ANK3: variants seen among roughly 807,000 people sequenced by gnomAD.
ANK3 encodes the protein ankyrin 3.
ANK3 carries 57 observed loss-of-function variants against 370.9 expected under a neutral mutation model. The ratio of observed to expected loss-of-function variants is 0.15; its 90% CI spans 0.12 to 0.19. The LOEUF (loss-of-function observed/expected upper bound fraction) is 0.19, where lower values mean the gene tolerates loss of function less well. Ranked by LOEUF, ANK3 falls within the 10% of genes least tolerant of loss-of-function variation. The probability of loss-of-function intolerance (pLI) is 1.00; values close to 1 mark genes in which losing one functional copy is unlikely to be tolerated. For synonymous variants in ANK3, 1,929 were observed against 1,946.3 expected (o/e 0.99, Z 0.23); for missense variants, 4,439 against 5,302.1 (o/e 0.84, Z 5.06).
chr10:60,071,811 T>G lies in ANK3; in HGVS notation c.9070A>C (p.Lys3024Gln). The G allele has an allele frequency of 6.2e-7, 1 of 1,610,680 alleles. No homozygotes were observed. The highest frequency in any genetic ancestry group is 8.5e-7 in the Non-Finnish European group (1 of 1,178,198). ...ACATAACTCTGGTGTTTGGAAACTTTGCTGATTTCTGAATAGGTAACTTTT... is the reference window on the plus strand; with the variant it reads ...ACATAACTCTGGTGTTTGGAAACTTGGCTGATTTCTGAATAGGTAACTTTT... ...DEKVTYSEIS[K>Q]VSKHQSYVGL... The change falls in exon 37 of 44, where the codon AAA becomes CAA. Residue 3024 changes from lysine to glutamine, a missense_variant. Transcript: ENST00000280772.
rs368417830 is a variant in ANK3, at chr10:60,064,297, A to C, written c.12320-9T>G. 2.9e-5 allele frequency: 46 copies of C among 1,560,334 alleles called. No individual in the cohort carries two copies. Among genetic ancestry groups the C allele is most frequent in the Non-Finnish European group, 3.8e-5 (44 of 1,164,288 alleles). ...CAGTTCCCTTGCCAGTTCTGTAGAA[A>C]AGAAAGAGAGTTACTAAGATTGCAT... On this transcript the variant is annotated splice_polypyrimidine_tract_variant and intron_variant, in intron 38 of 43. Transcript: ENST00000280772.
intron 1 of ANK3, among the ~76,000 whole-genome samples, chr10:60,348,369 A>AAC (rs1555324742): frequency 3.7e-4 from 48 of 128,052 alleles, no homozygotes; most frequent in South Asian, 1.7e-3. Context: ...AAAAAAAAAA[A>AAC]ACACAAAAAA....
At chr10:60,226,567 AGTATATG>A (rs2097163315) in intron 8 of ANK3, among the ~76,000 whole-genome samples, 1 of 26,982 alleles carries the variant, frequency 3.7e-5, no homozygotes, top group African/African-American at 1.2e-4. Flanking sequence ...ATATATACAT[AGTATATG>A]TATATATACT....
At chr10:60,180,626 C>CAAAAAAAAAAAA (rs1565506436) in intron 18 of ANK3, among the ~76,000 whole-genome samples, 7 of 119,276 alleles carry the variant, frequency 5.9e-5, no homozygotes, top group African/African-American at 6.3e-5. Flanking sequence ...AAAAAAAAAA[C>CAAAAAAAAAAAA]ATGTTAGAGT....
chr10:60,694,568 C>T (rs1447336835), intron 1 of ANK3, among the ~76,000 whole-genome samples: 1 of 152,028 alleles, frequency 6.6e-6, no homozygotes, highest in Non-Finnish European at 1.5e-5. Context: ...ACTCTACAAG[C>T]CAGAAGAGAG....
intron 1 of ANK3, 119 bp downstream of exon 1, chr10:60,389,293 TCCCAATTTACACA>T (rs2062868241): frequency 1.2e-5 from 10 of 824,634 alleles, no homozygotes; most frequent in Admixed American, 2.7e-5. Flanking sequence ...TATCATCTGT[TCCCAATTTACACA>T]CCCAATTTAC....
rs577450059 is a variant in ANK3, at chr10:60,384,356, C to T, written c.114+5069G>A. Among the ~76,000 whole-genome samples, 35 of 152,260 alleles carry T rather than the reference C, an allele frequency of 2.3e-4. 1 individual carries two copies. Among genetic ancestry groups the T allele is most frequent in the Non-Finnish European group, 4.4e-4 (30 of 68,008 alleles). ...TACTGCAGAGGGTAAGAAAAACAGACACTACAATACTGAATTAGAGACATA... is the reference window on the plus strand; with the variant it reads ...TACTGCAGAGGGTAAGAAAAACAGATACTACAATACTGAATTAGAGACATA... On this transcript the variant is annotated intron_variant, in intron 1 of 43. Transcript: ENST00000280772.
chr10:60,189,291 G>A (rs773105961), intron 16 of ANK3, among the ~76,000 whole-genome samples: 6 of 152,044 alleles, frequency 3.9e-5, no homozygotes, highest in Admixed American at 6.5e-5. Flanking sequence ...TCAGGAGCTC[G>A]AGACCACCCT....
intron 1 of ANK3, among the ~76,000 whole-genome samples, chr10:60,667,745 C>A (rs1373249807): frequency 6.6e-6 from 1 of 151,310 alleles, no homozygotes; most frequent in Admixed American, 6.6e-5. Flanking sequence ...GGTTTGGAAC[C>A]TCTAGGTTTG....
chr10:60,072,339 C>A lies in ANK3; in HGVS notation c.8542G>T (p.Asp2848Tyr). The change falls in exon 37 of 44, where the codon GAC becomes TAC. Residue 2848 changes from aspartate (D) to tyrosine (Y), a missense_variant. Asp to Tyr is a radical substitution (Grantham distance 160). Transcript: ENST00000280772. ...TSDLATRGPW[D>Y]KKVFRTWESS... ...TCCCATGTTCTAAAGACCTTTTTGT[C>A]CCATGGTCCCCTAGTTGCTAAATCT... 1 of 1,613,702 alleles carries A rather than the reference C, an allele frequency of 6.2e-7. No individual in the cohort carries two copies. The highest frequency in any genetic ancestry group is 8.5e-7 in the Non-Finnish European group (1 of 1,179,920).
chr10:60,584,585 C>G (rs902274177), intron 2 of ANK3, among the ~76,000 whole-genome samples: 2 of 152,042 alleles, frequency 1.3e-5, no homozygotes, highest in South Asian at 2.1e-4. Context: ...CCACCATACT[C>G]CAACCTGGGC....
intron 37 of ANK3, 99 bp from the exon 38 acceptor site, chr10:60,068,108 C>T: frequency 9.8e-7 from 1 of 1,015,906 alleles, no homozygotes; most frequent in Non-Finnish European, 1.5e-6. Context: ...GAGACTAATG[C>T]TAACACTGTA....
intron 1 of ANK3, among the ~76,000 whole-genome samples, chr10:60,296,905 G>C (rs1180243665): frequency 6.6e-6 from 1 of 152,162 alleles, no homozygotes; most frequent in African/African-American, 2.4e-5. Context: ...GCTTGAACCT[G>C]GGAGTTCAAG....
chr10:60,140,357 G>C, intron 23 of ANK3: 1 of 1,613,780 alleles, frequency 6.2e-7, no homozygotes, highest in Non-Finnish European at 8.5e-7. Flanking sequence ...CTTACTCTGC[G>C]GTAAAGCCAT....
At chr10:60,417,751 C>G (rs940556452) in intron 2 of ANK3, among the ~76,000 whole-genome samples, 6 of 152,060 alleles carry the variant, frequency 3.9e-5, no homozygotes, top group Admixed American at 3.9e-4. Context: ...AGATCCTACT[C>G]CCTAAAGAGA....
intron 30 of ANK3, 106 bp downstream of exon 30, chr10:60,086,571 A>G (rs2086728171): frequency 3.2e-6 from 3 of 931,056 alleles, no homozygotes; most frequent in Non-Finnish European, 4.7e-6. Flanking sequence ...TTTCTCTTAT[A>G]ATGTTGGCAT....
chr10:60,251,097 C>T (rs1247682533), intron 7 of ANK3, among the ~76,000 whole-genome samples: 3 of 152,220 alleles, frequency 2.0e-5, no homozygotes, highest in East Asian at 1.9e-4. Flanking sequence ...CATATCCACA[C>T]CTCATGAAAT....
chr10:60,042,575 A>G (rs1358405571), intron 43 of ANK3, 97 bp downstream of exon 43: 10 of 1,214,428 alleles, frequency 8.2e-6, no homozygotes, highest in Non-Finnish European at 1.2e-5. Context: ...TTCAGTGAAA[A>G]GGAAAGGACG....
intron 1 of ANK3, among the ~76,000 whole-genome samples, chr10:60,327,291 G>C (rs1174535186): frequency 6.6e-6 from 1 of 152,194 alleles, no homozygotes; most frequent in African/African-American, 2.4e-5. Flanking sequence ...GAGATTGACT[G>C]TCCTCTCTCT....
Sources: gnomAD v4.1 joint callset for allele counts (sites outside exome capture counted in the v4.1 genomes callset) on GRCh38, gnomAD v4.1.1 for gene constraint, MANE v1.5 for transcripts, NCBI Gene and HGNC (gene_info 2026-07-23, HGNC 2026-07-21) for gene names.